The following SUZ12 variants were observed in gnomAD, a reference collection of about 807,000 sequenced individuals.
SUZ12 encodes the protein polycomb protein SUZ12.
In SUZ12, 17 loss-of-function variants were observed where a neutral mutation model predicts 87.3. The observed-to-expected ratio is 0.19, with a 90% CI of 0.13 to 0.29. The LOEUF (loss-of-function observed/expected upper bound fraction) is 0.29, where lower values mean the gene tolerates loss of function less well. SUZ12 is among the 10% of genes least tolerant of loss of function. The pLI, the probability that SUZ12 is intolerant of heterozygous loss-of-function variation, is 1.00. For synonymous variants in SUZ12, 253 were observed against 312.4 expected (o/e 0.81, Z 2.01); for missense variants, 526 against 912.2 (o/e 0.58, Z 5.45).
At chr17:31,993,004 C>T (rs913605985) in intron 10 of SUZ12, among the ~76,000 whole-genome samples, 11 of 152,154 alleles carry the variant, frequency 7.2e-5, no homozygotes, top group Non-Finnish European at 1.6e-4. Flanking sequence ...CGCGCCCGGC[C>T]AGAGGTGCTT....
chr17:31,950,570 G>C (rs1166278802), intron 4 of SUZ12, among the ~76,000 whole-genome samples: 2 of 152,128 alleles, frequency 1.3e-5, no homozygotes, highest in South Asian at 4.1e-4. Flanking sequence ...TGTAATTCCA[G>C]CTACTTGGGT....
At chr17:31,978,243 G>T (rs1285653055) in intron 8 of SUZ12, among the ~76,000 whole-genome samples, 1 of 152,080 alleles carries the variant, frequency 6.6e-6, no homozygotes, top group African/African-American at 2.4e-5. Context: ...GACTCTCGCT[G>T]TGTCACCCAG....
chr17:31,944,363 G>A (rs1281682664), intron 3 of SUZ12, among the ~76,000 whole-genome samples: 1 of 151,902 alleles, frequency 6.6e-6, no homozygotes. Flanking sequence ...CCCGACCTCA[G>A]GTGATCTGCC....
In SUZ12 at chr17:31,993,903, A is replaced by G. The variant is rs745971612; in HGVS notation, c.1332A>G (p.Ala444=). Residue 444 remains alanine, a synonymous_variant, in exon 12 of 16, where the codon GCA becomes GCG. Coordinates refer to ENST00000322652, the MANE Select transcript of SUZ12 (RefSeq NM_015355.4). ...YNNNTRQQTE[A]RDDLHCPWCT... is the part of the protein sequence containing the mutation. ...ACAATACAAGGCAACAAACTGAAGC[A>G]AGAGATGACCTGCATTGCCCTTGGT... 1 of 1,613,632 alleles carries G rather than the reference A, an allele frequency of 6.2e-7. No individual in the cohort carries two copies. Among genetic ancestry groups the G allele is most frequent in the Non-Finnish European group, 8.5e-7 (1 of 1,179,872 alleles).
At chr17:31,984,994 A>G (rs1909325975) in intron 9 of SUZ12, among the ~76,000 whole-genome samples, 1 of 152,060 alleles carries the variant, frequency 6.6e-6, no homozygotes, top group Non-Finnish European at 1.5e-5. Flanking sequence ...ATCTCTACCA[A>G]AAACACAAAA....
At chr17:31,938,541 T>A (rs761968476) in intron 1 of SUZ12, among the ~76,000 whole-genome samples, 2 of 152,220 alleles carry the variant, frequency 1.3e-5, no homozygotes, top group Non-Finnish European at 2.9e-5. Flanking sequence ...TAATTGGAAC[T>A]TAATAGAAGG....
intron 10 of SUZ12, among the ~76,000 whole-genome samples, chr17:31,992,316 C>G (rs1311522962): frequency 1.3e-5 from 2 of 152,144 alleles, no homozygotes; most frequent in Non-Finnish European, 2.9e-5. Flanking sequence ...CACATTCTGA[C>G]CTCAGAGTGC....
intron 9 of SUZ12, among the ~76,000 whole-genome samples, chr17:31,985,469 T>A (rs1221075366): frequency 4.0e-5 from 6 of 151,786 alleles, no homozygotes; most frequent in Admixed American, 3.9e-4. Flanking sequence ...CTAAAATTTA[T>A]AATAGTGGTT....
Position 31,993,348 on chromosome 17 carries a change from C to A in SUZ12, c.1293+15C>A. 1 of 1,448,020 alleles carries A rather than the reference C, an allele frequency of 6.9e-7. No homozygotes were observed. The highest frequency in any genetic ancestry group is 9.5e-7 in the Non-Finnish European group (1 of 1,054,072). 89.7% of individuals were successfully genotyped at this position (1,448,020 alleles called of 1,614,324 possible). A position where few individuals can be genotyped will look rare whatever the true frequency, so the allele number is the denominator to read the frequency against. On this transcript the variant is annotated intron_variant, in intron 11 of 15. Transcript: ENST00000322652. ...TATTTTATCAGGTAAACATAGCTGA[C>A]CCTTCTTAAAGTAATTATGAAATGT... is the stretch of plus-strand genomic sequence containing the variant.
At chr17:31,961,194 C>T (rs965769478) in intron 4 of SUZ12, among the ~76,000 whole-genome samples, 4 of 150,800 alleles carry the variant, frequency 2.7e-5, no homozygotes, top group African/African-American at 4.9e-5. Context: ...GCCTGGGTGA[C>T]AGAGCGAGAC....
chr17:31,987,939 CAA>C (rs56315304), intron 9 of SUZ12, among the ~76,000 whole-genome samples: 12 of 128,644 alleles, frequency 9.3e-5, no homozygotes, highest in Admixed American at 7.9e-5. Flanking sequence ...AACTCCATCT[CAA>C]AAAAAAAAAA....
chr17:31,953,516 T>C (rs1215649903), intron 4 of SUZ12, among the ~76,000 whole-genome samples: 1 of 152,104 alleles, frequency 6.6e-6, no homozygotes, highest in Non-Finnish European at 1.5e-5. Flanking sequence ...AAAGGGATCC[T>C]CCTGCCTCAG....
rs1361345364 is a variant in SUZ12, at chr17:31,999,961, T to G, written c.*958T>G. ...CTTTTATTTGTTTGCAAGGATGTCT[T>G]TGTAATGTGTTTCATGAATAGAATA... On this transcript the variant is annotated 3_prime_UTR_variant, in exon 16 of 16. Transcript: ENST00000322652. 4.3e-6 allele frequency: 1 copy of G among 232,690 alleles called. No homozygotes were observed. Among genetic ancestry groups the G allele is most frequent in the Non-Finnish European group, 8.5e-6 (1 of 117,820 alleles). 14.4% of individuals were successfully genotyped at this position (232,690 alleles called of 1,614,324 possible).
At chr17:31,993,198 T>G (rs760826918) in intron 10 of SUZ12, 44 bp from the exon 11 acceptor site, 1 of 1,358,772 alleles carries the variant, frequency 7.4e-7, no homozygotes, top group East Asian at 2.5e-5. Context: ...ATTTTGCTTT[T>G]CAAAAGCAAT....
intron 4 of SUZ12, among the ~76,000 whole-genome samples, chr17:31,963,582 C>T (rs1234315926): frequency 5.3e-5 from 8 of 152,024 alleles, no homozygotes; most frequent in Admixed American, 3.9e-4. Context: ...CTGCCACCTC[C>T]GCCCTCCGAG....
At position 31,966,180 on chromosome 17, in the gene SUZ12, T is replaced by G. The variant is rs1480673268; in HGVS notation, c.489T>G (p.Gly163=). The change falls in exon 5 of 16, where the codon GGT becomes GGG. Residue 163 remains glycine, a synonymous_variant. Coordinates refer to ENST00000322652, the MANE Select transcript of SUZ12 (RefSeq NM_015355.4). The part of the protein sequence containing the change: ...LSAHLQLTFT[G]FFHKNDKPSP... ...CTCATTTGCAGCTTACGTTTACTGG[T>G]TTCTTCCACAAAAATGGTATGTATT... 14 of 1,604,548 alleles carry G rather than the reference T, an allele frequency of 8.7e-6. No individual in the cohort carries two copies. The highest frequency in any genetic ancestry group is 1.2e-5 in the Non-Finnish European group (14 of 1,176,782).
chr17:31,963,985 C>T (rs111385763), intron 4 of SUZ12: 9,635 of 151,222 alleles, frequency 0.064, no homozygotes, highest in African/African-American at 0.2. Flanking sequence ...TCTACTCTTC[C>T]ATAATAATTT....
chr17:31,967,808 G>A (rs1908188364), intron 5 of SUZ12, among the ~76,000 whole-genome samples: 1 of 152,186 alleles, frequency 6.6e-6, no homozygotes, highest in Non-Finnish European at 1.5e-5. Context: ...CAAGGTTACA[G>A]TGAGCTATGA....
chr17:31,967,112 T>C (rs1908139431), intron 5 of SUZ12: 1 of 150,958 alleles, frequency 6.6e-6, no homozygotes, highest in Admixed American at 6.6e-5. Context: ...GGCAGAAGAA[T>C]CACTTGAACC....
Sources: gnomAD v4.1 joint callset for allele counts (sites outside exome capture counted in the v4.1 genomes callset) on GRCh38, gnomAD v4.1.1 for gene constraint, MANE v1.5 for transcripts, NCBI Gene and HGNC (gene_info 2026-07-23, HGNC 2026-07-21) for gene names.